E2F6: variants seen among roughly 807,000 people sequenced by gnomAD.
E2F6 encodes the protein transcription factor E2F6.
Under a neutral mutation model 31.5 loss-of-function variants are expected in E2F6, and 19 were observed. The ratio of observed to expected loss-of-function variants is 0.60; its 90% CI spans 0.42 to 0.89. The LOEUF is 0.89. Among genes scored for constraint, E2F6 ranks in the 40% least tolerant of loss-of-function variants. The probability of loss-of-function intolerance (pLI) is 0.00; values close to 1 mark genes in which losing one functional copy is unlikely to be tolerated. For missense variants in E2F6, 269 were observed against 341.6 expected (o/e 0.79, Z 1.67); for synonymous variants, 121 against 127.7 (o/e 0.95, Z 0.36).
In E2F6 at chr2:11,445,322, T is replaced by C. The variant is rs925586182; in HGVS notation, c.*1155A>G. 1.3e-5 allele frequency: 2 copies of C among 152,652 alleles called. No homozygotes were observed. The highest frequency in any genetic ancestry group is 1.5e-5 in the Non-Finnish European group (1 of 68,052). The allele number at this position is 152,652 out of a possible 1,614,324, so 9.5% of individuals were successfully genotyped here. ...TTTGTTCAGACATTTATTGAGCACT[T>C]CTTAAGGGCCAGGCATGGTGTGAGG... On this transcript the variant is annotated 3_prime_UTR_variant, in exon 7 of 7. Transcript: ENST00000381525.
At chr2:11,453,203 T>C (rs983146140) in intron 3 of E2F6, among the ~76,000 whole-genome samples, 8 of 152,088 alleles carry the variant, frequency 5.3e-5, no homozygotes, top group Non-Finnish European at 7.4e-5. Context: ...AGGGCAGTAT[T>C]TTAAACACCT....
At chr2:11,456,306 T>C (rs1671401613) in intron 2 of E2F6, among the ~76,000 whole-genome samples, 1 of 152,152 alleles carries the variant, frequency 6.6e-6, no homozygotes, top group Admixed American at 6.5e-5. Context: ...CAAATCCCCC[T>C]GGATTTTTCC....
intron 1 of E2F6, among the ~76,000 whole-genome samples, chr2:11,457,445 A>G (rs1671477983): frequency 6.6e-6 from 1 of 152,212 alleles, no homozygotes; most frequent in African/African-American, 2.4e-5. Context: ...CAACATGGTG[A>G]AACCCCATCT....
intron 2 of E2F6, among the ~76,000 whole-genome samples, chr2:11,456,391 G>T (rs923519680): frequency 1.3e-5 from 2 of 152,174 alleles, no homozygotes; most frequent in Admixed American, 1.3e-4. Flanking sequence ...TACAGAGGAA[G>T]TTAGACCCTG....
chr2:11,455,100 C>T (rs898085061), intron 2 of E2F6, among the ~76,000 whole-genome samples: 9 of 152,176 alleles, frequency 5.9e-5, no homozygotes, highest in Non-Finnish European at 1.3e-4. Context: ...AACTGCTCTG[C>T]AGGTTGTGGG....
chr2:11,459,808 C>T (rs527284235), intron 1 of E2F6, among the ~76,000 whole-genome samples: 14 of 152,004 alleles, frequency 9.2e-5, no homozygotes, highest in African/African-American at 2.2e-4. Context: ...CGCTTGAACC[C>T]GGGAGGCAGG....
intron 4 of E2F6, 61 bp from the exon 5 acceptor site, chr2:11,450,187 T>C: frequency 2.7e-6 from 3 of 1,121,528 alleles, no homozygotes; most frequent in Admixed American, 2.1e-5. Context: ...AATTTATCTC[T>C]AGTAATTCAG....
chr2:11,465,891 G>A lies in E2F6; in HGVS notation c.-12C>T, dbSNP rs1239234841. On this transcript the variant is annotated 5_prime_UTR_variant, in exon 1 of 7. Transcript: ENST00000381525. ...CGCTGCTGACTCATGCTGCCCGGCC[G>A]GGCGTCCTGCTCCCCTCGCACCCCA... The A allele has an allele frequency of 1.9e-6, 3 of 1,539,654 alleles. No homozygotes were observed. Among genetic ancestry groups the A allele is most frequent in the East Asian group, 2.5e-5 (1 of 40,798 alleles).
chr2:11,448,519 C>G (rs1042552517), intron 5 of E2F6, among the ~76,000 whole-genome samples: 2 of 152,168 alleles, frequency 1.3e-5, no homozygotes, highest in Admixed American at 6.5e-5. Flanking sequence ...GATCTTATAC[C>G]AGGGTGAGTC....
chr2:11,454,648 G>A lies in E2F6; in HGVS notation c.164-850C>T, dbSNP rs189130738. 9.0e-3 allele frequency among the ~76,000 whole-genome samples: 1,375 copies of A among 151,986 alleles called. 12 individuals are homozygous for A. The highest frequency in any genetic ancestry group is 0.013 in the Non-Finnish European group (917 of 67,984). On this transcript the variant is annotated intron_variant, in intron 2 of 6. Coordinates refer to ENST00000381525, the MANE Select transcript of E2F6 (RefSeq NM_198256.4). ...ACAGGCATTAAGAGCCACCGCGGCT[G>A]GCCCAGTATCTCTATTTTTAAAAAT...
At chr2:11,465,336 T>C (rs1162867919) in intron 1 of E2F6, among the ~76,000 whole-genome samples, 2 of 152,168 alleles carry the variant, frequency 1.3e-5, no homozygotes, top group African/African-American at 4.8e-5. Flanking sequence ...CCATTTTCTC[T>C]GTCAAACAGG....
At chr2:11,463,636 C>T (rs905217667) in intron 1 of E2F6, among the ~76,000 whole-genome samples, 4 of 151,066 alleles carry the variant, frequency 2.6e-5, no homozygotes, top group East Asian at 2.0e-4. Flanking sequence ...TGTGTAGAGA[C>T]GGTAGAAGAG....
In E2F6 at chr2:11,465,880, G is replaced by A. The variant is rs1225094550; in HGVS notation, c.-1C>T. 1 of 1,552,568 alleles carries A rather than the reference G, an allele frequency of 6.4e-7. No individual in the cohort carries two copies. Among genetic ancestry groups the A allele is most frequent in the Non-Finnish European group, 8.7e-7 (1 of 1,148,548 alleles). On this transcript the variant is annotated 5_prime_UTR_variant, in exon 1 of 7. Coordinates refer to ENST00000381525, the MANE Select transcript of E2F6 (RefSeq NM_198256.4). ...TCCTCGCCGGCCGCTGCTGACTCAT[G>A]CTGCCCGGCCGGGCGTCCTGCTCCC...
At chr2:11,450,222 G>T in intron 4 of E2F6, 96 bp from the exon 5 acceptor site, 1 of 653,422 alleles carries the variant, frequency 1.5e-6, no homozygotes, top group Non-Finnish European at 2.4e-6. Flanking sequence ...ATGTTAGAAT[G>T]TTTTTAGTTT....
Position 11,447,661 on chromosome 2 carries a change from T to C in E2F6, c.765A>G (p.Ser255=), listed in dbSNP as rs747951018. The C allele has an allele frequency of 2.5e-6, 4 of 1,612,034 alleles. No homozygotes were observed. The highest frequency in any genetic ancestry group is 2.5e-6 in the Non-Finnish European group (3 of 1,179,864). ...GGCCTTCTGGATGAGTGCTCTCAGA[T>C]GAAGAGGTCCCGACACCTTCAGACC... ...NKRSEGVGTS[S]SESTHPEGPE... Residue 255 remains serine, a synonymous_variant, in exon 6 of 7, where the codon TCA becomes TCG. Transcript: ENST00000381525.
chr2:11,463,422 C>A (rs1354187283), intron 1 of E2F6, among the ~76,000 whole-genome samples: 1 of 152,172 alleles, frequency 6.6e-6, no homozygotes, highest in Non-Finnish European at 1.5e-5. Flanking sequence ...GTAACTAATA[C>A]ATATAAATAC....
In E2F6 at chr2:11,465,849, G is replaced by A; in HGVS notation, c.31C>T (p.Pro11Ser). 1 of 1,582,396 alleles carries A rather than the reference G, an allele frequency of 6.3e-7. No homozygotes were observed. Among genetic ancestry groups the A allele is most frequent in the Non-Finnish European group, 8.6e-7 (1 of 1,165,244 alleles). MSQQRPARKL[P>S]SLLLDPTEET... ...TCCGTCGGGTCCAGGAGGAGACTGG[G>A]TAACTTCCTCGCCGGCCGCTGCTGA... The change falls in exon 1 of 7, where the codon CCC (proline) becomes TCC (serine). Residue 11 changes from proline to serine, a missense_variant. By Grantham distance (74) the Pro-to-Ser change is moderately conservative. Transcript: ENST00000381525.
At chr2:11,454,690 T>G (rs1219474102) in intron 2 of E2F6, among the ~76,000 whole-genome samples, 1 of 151,678 alleles carries the variant, frequency 6.6e-6, no homozygotes, top group Non-Finnish European at 1.5e-5. Context: ...TACCCTATAT[T>G]AATTTAACAG....
intron 4 of E2F6, among the ~76,000 whole-genome samples, chr2:11,450,849 TAAGTA>T (rs1468393639): frequency 6.6e-6 from 1 of 152,150 alleles, no homozygotes; most frequent in Non-Finnish European, 1.5e-5. Context: ...GAGAGAGTTT[TAAGTA>T]AATATGAGGT....
Sources: gnomAD v4.1 joint callset for allele counts (sites outside exome capture counted in the v4.1 genomes callset) on GRCh38, gnomAD v4.1.1 for gene constraint, MANE v1.5 for transcripts, NCBI Gene and HGNC (gene_info 2026-07-23, HGNC 2026-07-21) for gene names.